CHST15: variants seen among roughly 807,000 people sequenced by gnomAD.
CHST15 encodes the protein B cell RAG associated protein (GALNAC4S-6ST).
CHST15 carries 30 observed loss-of-function variants against 53.6 expected under a neutral mutation model. That is an observed-to-expected ratio of 0.56 (90% confidence interval 0.42 to 0.76). The LOEUF (loss-of-function observed/expected upper bound fraction) is 0.76. CHST15 is among the 30% of genes least tolerant of loss of function. The probability of loss-of-function intolerance (pLI) is 0.00; values close to 1 mark genes in which losing one functional copy is unlikely to be tolerated. For synonymous variants in CHST15, 296 were observed against 289.8 expected, an observed-to-expected ratio of 1.02 and a Z score of -0.22; for missense variants, 627 against 740.5, an observed-to-expected ratio of 0.85 and a Z score of 1.78.
At chr10:124,050,060 G>GA (rs899341217) in intron 1 of CHST15, among the ~76,000 whole-genome samples, 3 of 152,014 alleles carry the variant, frequency 2.0e-5, no homozygotes, top group East Asian at 1.9e-4. Context: ...GCCTCTCTGA[G>GA]AAAAAAACAT....
Position 124,044,797 on chromosome 10 carries a change from C to T in CHST15, c.669G>A (p.Lys223=). ...YLTNSYVLYS[K]RFRSTFDALR... The stretch of plus-strand genomic sequence containing the variant: ...GGGCGTCGAAGGTGGAGCGGAAGCG[C>T]TTGGAGTAGAGCACGTAGGAGTTGG... The change falls in exon 3 of 8, where the codon AAG becomes AAA. Residue 223 remains lysine (K), a synonymous_variant. Transcript: ENST00000435907. 6.2e-7 allele frequency: 1 copy of T among 1,607,246 alleles called. No homozygotes were observed. Among genetic ancestry groups the T allele is most frequent in the Non-Finnish European group, 8.5e-7 (1 of 1,176,094 alleles).
chr10:124,068,564 C>G (rs573096500), intron 1 of CHST15, among the ~76,000 whole-genome samples: 3 of 152,204 alleles, frequency 2.0e-5, no homozygotes, highest in Admixed American at 2.0e-4. Flanking sequence ...ATTCCAGCGT[C>G]TCCTAGAGGG....
At chr10:124,042,750 G>A (rs1350979360) in intron 3 of CHST15, among the ~76,000 whole-genome samples, 1 of 152,214 alleles carries the variant, frequency 6.6e-6, no homozygotes, top group African/African-American at 2.4e-5. Context: ...TCTGCTTGGA[G>A]GGACAAAGTC....
chr10:124,088,729 C>T (rs1949515354), intron 1 of CHST15, among the ~76,000 whole-genome samples: 1 of 152,194 alleles, frequency 6.6e-6, no homozygotes, highest in Non-Finnish European at 1.5e-5. Context: ...CAGCTTCAAA[C>T]CTATAGGGAC....
At position 124,044,743 on chromosome 10, in the gene CHST15, C is replaced by T; in HGVS notation, c.723G>A (p.Ala241=). The T allele has an allele frequency of 6.2e-7, 1 of 1,613,074 alleles. No individual in the cohort carries two copies. Among genetic ancestry groups the T allele is most frequent in the Non-Finnish European group, 8.5e-7 (1 of 1,179,582 alleles). ...GGCGGAAGTGCTTCCCGTGCGCGTG[C>T]GCCAGGTGGCCCCAGAAGGCCTTGC... ...ALRKAFWGHL[A]HAHGKHFRLR... is the part of the protein sequence containing the mutation. The change falls in exon 3 of 8, where the codon GCG becomes GCA. Residue 241 remains alanine, a synonymous_variant. Coordinates refer to ENST00000435907, the MANE Select transcript of CHST15 (RefSeq NM_001270764.2).
intron 1 of CHST15, among the ~76,000 whole-genome samples, chr10:124,088,238 C>T (rs968717768): frequency 6.6e-6 from 1 of 152,220 alleles, no homozygotes; most frequent in Admixed American, 6.5e-5. Context: ...GTCGCTACCC[C>T]GGGCTCCTGC....
chr10:124,081,360 ATG>A, intron 1 of CHST15, among the ~76,000 whole-genome samples: 1 of 151,792 alleles, frequency 6.6e-6, no homozygotes, highest in African/African-American at 2.4e-5. Context: ...ACATGCACGC[ATG>A]CACACACATG....
intron 1 of CHST15, among the ~76,000 whole-genome samples, chr10:124,065,085 G>T (rs945412844): frequency 6.6e-6 from 1 of 152,190 alleles, no homozygotes; most frequent in African/African-American, 2.4e-5. Context: ...GGGGGCGGGG[G>T]TTAAATTTAA....
At chr10:124,065,173 C>A (rs972741070) in intron 1 of CHST15, among the ~76,000 whole-genome samples, 17 of 152,052 alleles carry the variant, frequency 1.1e-4, no homozygotes, top group African/African-American at 4.1e-4. Context: ...GGCTTGAGCC[C>A]AGGAGTTCAA....
chr10:124,065,081 G>A (rs913995659), intron 1 of CHST15, among the ~76,000 whole-genome samples: 2 of 152,172 alleles, frequency 1.3e-5, no homozygotes, highest in Non-Finnish European at 2.9e-5. Flanking sequence ...TGTTGGGGGC[G>A]GGGGTTAAAT....
chr10:124,008,208 A>T lies in CHST15; in HGVS notation c.*1941T>A. On this transcript the variant is annotated 3_prime_UTR_variant, in exon 8 of 8. Transcript: ENST00000435907. Reference sequence around the variant, plus strand: ...GTTGTAATTATGGTTGGTGTGGAATAGTAAAATATGTACTGAAAATGACAA... The same window carrying T: ...GTTGTAATTATGGTTGGTGTGGAATTGTAAAATATGTACTGAAAATGACAA... 1 of 1,227,018 alleles carries T rather than the reference A, an allele frequency of 8.1e-7. No individual in the cohort carries two copies. Among genetic ancestry groups the T allele is most frequent in the Non-Finnish European group, 1.0e-6 (1 of 985,248 alleles). 76.0% of individuals were successfully genotyped at this position (1,227,018 alleles called of 1,614,324 possible).
In CHST15 at chr10:124,061,407, TAAG is replaced by T. The variant is rs1948567999; in HGVS notation, c.-512-14686_-512-14684del. Among the ~76,000 whole-genome samples, 3 of 152,348 alleles carry T rather than the reference TAAG, an allele frequency of 2.0e-5. No homozygotes were observed. The South Asian group carries it at 6.2e-4, about 32-fold the overall frequency. ...CTCATTTTCTCTTGCCGCAGCCATGTAAGAAGTGCCTTTTGCCTCCCACCATGA... is the reference window on the plus strand; with the variant it reads ...CTCATTTTCTCTTGCCGCAGCCATGTAAGTGCCTTTTGCCTCCCACCATGA... On this transcript the variant is annotated intron_variant, in intron 1 of 7. Coordinates refer to ENST00000435907, the MANE Select transcript of CHST15 (RefSeq NM_001270764.2).
intron 1 of CHST15, among the ~76,000 whole-genome samples, chr10:124,070,340 G>C (rs763271937): frequency 6.6e-6 from 1 of 152,100 alleles, no homozygotes; most frequent in Non-Finnish European, 1.5e-5. Context: ...GATTTAAGGG[G>C]CATCCTCCAA....
Position 124,009,899 on chromosome 10 carries a change from G to A in CHST15, c.*250C>T. 2.3e-6 allele frequency: 3 copies of A among 1,321,150 alleles called. No homozygotes were observed. Among genetic ancestry groups the A allele is most frequent in the Admixed American group, 6.7e-5 (2 of 29,962 alleles). 81.8% of individuals were successfully genotyped at this position (1,321,150 alleles called of 1,614,324 possible). ...ATCCCCAAGCTCCAGGACGCTCAGA[G>A]CAGAGCTGAATTCTTGAGAAACTGG... On this transcript the variant is annotated 3_prime_UTR_variant, in exon 8 of 8. Transcript: ENST00000435907.
intron 6 of CHST15, among the ~76,000 whole-genome samples, chr10:124,016,902 G>C (rs533624388): frequency 6.6e-6 from 1 of 152,128 alleles, no homozygotes; most frequent in African/African-American, 2.4e-5. Context: ...GGAGGATCAC[G>C]ATGGTGCCCA....
chr10:124,037,497 G>A (rs1947544101), intron 5 of CHST15, among the ~76,000 whole-genome samples: 1 of 152,340 alleles, frequency 6.6e-6, no homozygotes, highest in Middle Eastern at 3.4e-3. Context: ...ATCTTGCGCG[G>A]AGAATTCCCT....
intron 1 of CHST15, among the ~76,000 whole-genome samples, chr10:124,065,112 G>A (rs569788054): frequency 6.6e-6 from 1 of 152,308 alleles, no homozygotes; most frequent in African/African-American, 2.4e-5. Flanking sequence ...GGCTGAGCGC[G>A]GTGGCTCTTG....
chr10:124,021,410 A>C lies in CHST15; in HGVS notation c.1193T>G (p.Leu398Trp). Residue 398 changes from leucine (L) to tryptophan (W), a missense_variant and splice_region_variant, in exon 6 of 8, where the codon TTG (leucine) becomes TGG (tryptophan). Physicochemically the swap from Leu to Trp is moderately conservative, Grantham distance 61 (BLOSUM62 -2). Around this residue, in one of 3 missense-constraint regions of CHST15, gnomAD observed 279 missense variants for 371.6 expected, o/e 0.75. Transcript: ENST00000435907. ...TGCAAAGTAGAGATAGTCTGAGTAC[A>C]ACCTGTGAATAAAATAAATGCATAT... is the stretch of plus-strand genomic sequence containing the variant. ...IVMLRDPVERLYSDYLYFASS... is the reference protein window; with the variant it reads ...IVMLRDPVERWYSDYLYFASS... 6.2e-7 allele frequency: 1 copy of C among 1,609,104 alleles called. No homozygotes were observed. The highest frequency in any genetic ancestry group is 8.5e-7 in the Non-Finnish European group (1 of 1,175,992).
chr10:124,011,026 C>T, intron 7 of CHST15: 1 of 984,926 alleles, frequency 1.0e-6, no homozygotes, highest in East Asian at 1.1e-4. Flanking sequence ...CAGTCACCGC[C>T]ACGCCCCGCC....
Sources: allele counts gnomAD v4.1 joint callset (sites outside exome capture counted in the v4.1 genomes callset), GRCh38; gene constraint gnomAD v4.1.1; regional missense constraint gnomAD v4.1.1; transcripts MANE v1.5; gene names NCBI Gene and HGNC (gene_info 2026-07-23, HGNC 2026-07-21).